Variants in MAPK6 observed in about 807,000 individuals in gnomAD.
MAPK6 encodes mitogen-activated protein kinase 6.
Under a neutral mutation model 59.3 loss-of-function variants are expected in MAPK6, and 19 were observed. That is an observed-to-expected ratio of 0.32 (90% CI 0.22 to 0.47). MAPK6 has a LOEUF of 0.47. Ranked by LOEUF, MAPK6 falls within the 20% of genes least tolerant of loss-of-function variation. The pLI is 1.00. For synonymous variants in MAPK6, 316 were observed against 290.3 expected (o/e 1.09, Z -0.90); for missense variants, 724 against 847.9 (o/e 0.85, Z 1.81).
At chr15:52,008,747 G>C (rs1002342888) in intron 3 of MAPK6, among the ~76,000 whole-genome samples, 1 of 152,142 alleles carries the variant, frequency 6.6e-6, no homozygotes, top group African/African-American at 2.4e-5. Context: ...GAATGGGATG[G>C]GCACTCATAG....
chr15:52,044,793 A>G (rs2031545721), intron 1 of MAPK6, among the ~76,000 whole-genome samples: 1 of 152,134 alleles, frequency 6.6e-6, no homozygotes, highest in Non-Finnish European at 1.5e-5. Context: ...CCAGCTCTAT[A>G]AGATTCTAGT....
intron 2 of MAPK6, among the ~76,000 whole-genome samples, chr15:51,994,160 A>G (rs368008212): frequency 7.9e-5 from 12 of 151,978 alleles, no homozygotes; most frequent in African/African-American, 1.9e-4. Flanking sequence ...GGGTTTCTCT[A>G]TGTTGGTCAG....
At chr15:51,985,591 GTTGCAGTGAGCTGAGA>G (rs2057188416) in intron 2 of MAPK6, among the ~76,000 whole-genome samples, 1 of 151,864 alleles carries the variant, frequency 6.6e-6, no homozygotes, top group African/African-American at 2.4e-5. Context: ...GGAGATGGAG[GTTGCAGTGAGCTGAGA>G]TTGCACCATT....
At chr15:52,035,925 T>C (rs1056384514) in intron 1 of MAPK6, among the ~76,000 whole-genome samples, 1 of 152,182 alleles carries the variant, frequency 6.6e-6, no homozygotes, top group African/African-American at 2.4e-5. Flanking sequence ...TTTTTTTTCC[T>C]TAAACTATGA....
At chr15:52,017,835 G>A (rs940096553), upstream of MAPK6, 2 of 152,256 alleles carry the variant, frequency 1.3e-5, no homozygotes, top group East Asian at 3.8e-4. Context: ...GGAGAGCCTA[G>A]AGCAGAGGCA....
chr15:52,061,540 C>T lies in MAPK6; in HGVS notation c.1067+40C>T, dbSNP rs1381945113. On this transcript the variant is annotated intron_variant, in intron 5 of 5. Transcript: ENST00000261845. ...AATTAGAAAAATAATATTTACTGAA[C>T]TTTCAGTGGACCATATGTAGTGAGT... The T allele has an allele frequency of 8.4e-6, 12 of 1,432,164 alleles. 1 individual carries two copies. In the South Asian group the frequency reaches 1.3e-4, roughly 15 times the overall value. 88.7% of individuals were successfully genotyped at this position (1,432,164 alleles called of 1,614,324 possible).
At chr15:52,034,621 C>G (rs2031174470) in intron 1 of MAPK6, among the ~76,000 whole-genome samples, 1 of 151,046 alleles carries the variant, frequency 6.6e-6, no homozygotes. Context: ...GTTGTTCTTT[C>G]TCTTCCTTCC....
chr15:52,064,547 C>G lies in MAPK6; in HGVS notation c.1713C>G (p.Ser571Arg), dbSNP rs779108097. ...AAAGTTTGATATCAAAGTCAGTAAG[C>G]CAAGAAAAACAGGAAAAAGGAATGG... ...ELKSLISKSV[S>R]QEKQEKGMAN... is the part of the protein sequence containing the mutation. Residue 571 changes from serine to arginine, a missense_variant, in exon 6 of 6, where the codon AGC (serine) becomes AGG (arginine). Around this residue, in one of 4 missense-constraint regions of MAPK6, gnomAD observed 502 missense variants for 507.6 expected, o/e 0.99. Transcript: ENST00000261845. The G allele has an allele frequency of 1.9e-6, 3 of 1,611,196 alleles. No individual in the cohort carries two copies. The Admixed American group carries it at 5.0e-5, about 27-fold the overall frequency.
intron 1 of MAPK6, among the ~76,000 whole-genome samples, chr15:52,042,539 T>C (rs905846378): frequency 6.6e-6 from 1 of 150,736 alleles, no homozygotes. Flanking sequence ...CAATAAAATT[T>C]AAGGGGGGCA....
chr15:51,977,876 G>A (rs1015636792), intron 1 of MAPK6, among the ~76,000 whole-genome samples: 9 of 151,792 alleles, frequency 5.9e-5, no homozygotes, highest in African/African-American at 2.2e-4. Context: ...AAGGAGCCCA[G>A]GCCACAAGTG....
chr15:51,988,504 C>T (rs2441779), intron 2 of MAPK6, among the ~76,000 whole-genome samples: 14,305 of 151,908 alleles, frequency 0.094, 1,896 homozygotes, highest in African/African-American at 0.29. Context: ...GAGGCCACGG[C>T]GGGTGGGTCA....
At chr15:52,026,077 C>A (rs151041460) in intron 1 of MAPK6, among the ~76,000 whole-genome samples, 1 of 152,250 alleles carries the variant, frequency 6.6e-6, no homozygotes, top group Non-Finnish European at 1.5e-5. Flanking sequence ...CAGTTTCTTT[C>A]CATCTTAACA....
Position 52,066,298 on chromosome 15 carries a change from T to G in MAPK6, c.*1298T>G, listed in dbSNP as rs186756728. 1 of 152,344 alleles carries G rather than the reference T, an allele frequency of 6.6e-6. No individual in the cohort carries two copies. Among genetic ancestry groups the G allele is most frequent in the Admixed American group, 6.5e-5 (1 of 15,304 alleles). The allele number at this position is 152,344 out of a possible 1,614,324, so 9.4% of individuals were successfully genotyped here. ...TTTCACTCTTGGGTTAATGAAAATT[T>G]TCTGCTAGAATGAAAATTACTACCA... is the stretch of plus-strand genomic sequence containing the variant. On this transcript the variant is annotated 3_prime_UTR_variant, in exon 6 of 6. Coordinates refer to ENST00000261845, the MANE Select transcript of MAPK6 (RefSeq NM_002748.4).
intron 1 of MAPK6, among the ~76,000 whole-genome samples, chr15:52,030,793 A>ATT (rs762313465): frequency 5.1e-4 from 68 of 134,130 alleles, no homozygotes; most frequent in African/African-American, 1.7e-3. Context: ...TGCCCAGCTA[A>ATT]TTTTTTTTTT....
intron 3 of MAPK6, among the ~76,000 whole-genome samples, chr15:52,051,926 G>C (rs1451878285): frequency 3.3e-5 from 5 of 152,056 alleles, no homozygotes. Flanking sequence ...TTGGAATTCG[G>C]AGGGATTCCT....
intron 3 of MAPK6, among the ~76,000 whole-genome samples, chr15:52,051,628 C>G (rs2141099020): frequency 6.6e-6 from 1 of 151,900 alleles, no homozygotes; most frequent in South Asian, 2.1e-4. Flanking sequence ...AATCCCAGCA[C>G]TTTGGGAGGC....
chr15:52,028,747 C>G (rs911250761), intron 1 of MAPK6, among the ~76,000 whole-genome samples: 1 of 152,214 alleles, frequency 6.6e-6, no homozygotes, highest in African/African-American at 2.4e-5. Context: ...ACATTATTCT[C>G]TAGCTACAGC....
rs751856795 is a variant in MAPK6 at position 52,064,742 on chromosome 15, A to G, written c.1908A>G (p.Lys636=). 9.3e-6 allele frequency: 15 copies of G among 1,611,766 alleles called. No homozygotes were observed. Among genetic ancestry groups the G allele is most frequent in the African/African-American group, 2.7e-5 (2 of 74,860 alleles). Residue 636 remains lysine, a synonymous_variant, in exon 6 of 6, where the codon AAA becomes AAG. Coordinates refer to ENST00000261845, the MANE Select transcript of MAPK6 (RefSeq NM_002748.4). ...TSYLDKFFSR[K]EDTEMLETEP... The stretch of plus-strand genomic sequence containing the variant: ...ACTTGGACAAGTTCTTTAGCAGGAA[A>G]GAAGATACTGAAATGCTAGAAACTG...
At chr15:51,972,105 G>C (rs2057130981) in intron 1 of MAPK6, among the ~76,000 whole-genome samples, 1 of 151,786 alleles carries the variant, frequency 6.6e-6, no homozygotes, top group African/African-American at 2.4e-5. Flanking sequence ...TTACTGAGCA[G>C]CTGTTCTCCA....
Sources: gnomAD v4.1 joint callset for allele counts (sites outside exome capture counted in the v4.1 genomes callset) on GRCh38, gnomAD v4.1.1 for gene constraint, gnomAD v4.1.1 regional missense constraint, MANE v1.5 for transcripts, NCBI Gene and HGNC (gene_info 2026-07-23, HGNC 2026-07-21) for gene names.